Variants in AMDHD1 observed in about 807,000 individuals in gnomAD.
The protein encoded by AMDHD1 is probable imidazolonepropionase.
A neutral mutation model predicts 44.1 loss-of-function variants in AMDHD1; 45 were observed. The observed-to-expected ratio is 1.02, with a 90% confidence interval of 0.80 to 1.31. AMDHD1 has a LOEUF of 1.31. Among genes scored for constraint, AMDHD1 ranks in the 50% most tolerant of loss-of-function variants. The probability of loss-of-function intolerance (pLI) is 0.00; values close to 1 mark genes in which losing one functional copy is unlikely to be tolerated. For missense variants in AMDHD1, 586 were observed against 552.1 expected (o/e 1.06, Z -0.61); for synonymous variants, 206 against 205.0 (o/e 1.00, Z -0.04).
At chr12:95,952,587 G>A in intron 1 of AMDHD1, 130 bp from the exon 2 acceptor site, 3 of 622,170 alleles carry the variant, frequency 4.8e-6, no homozygotes, top group Non-Finnish European at 8.3e-6. Context: ...CCAGACTCAG[G>A]TTCAAGATAG....
In AMDHD1 at chr12:95,943,349, C is replaced by T; in HGVS notation, c.-50C>T. ...GCTTTTCGTCCTCCACTGAGTCCTG[C>T]CGGTGGCCCGAGCCCGGTGGCCTCC... On this transcript the variant is annotated 5_prime_UTR_variant, in exon 1 of 9. Coordinates refer to ENST00000266736, the MANE Select transcript of AMDHD1 (RefSeq NM_152435.3). 7.7e-7 allele frequency: 1 copy of T among 1,292,054 alleles called. No homozygotes were observed. The highest frequency in any genetic ancestry group is 9.9e-7 in the Non-Finnish European group (1 of 1,008,638). The allele number at this position is 1,292,054 out of a possible 1,614,324, so 80.0% of individuals were successfully genotyped here.
At chr12:95,966,220 C>A in intron 7 of AMDHD1, 128 bp from the exon 8 acceptor site, 1 of 987,684 alleles carries the variant, frequency 1.0e-6, no homozygotes, top group Non-Finnish European at 1.5e-6. Context: ...TAGATTTTTC[C>A]CATTGCAACT....
chr12:95,953,088 A>G (rs887075893), intron 2 of AMDHD1, among the ~76,000 whole-genome samples: 1 of 152,236 alleles, frequency 6.6e-6, no homozygotes, highest in African/African-American at 2.4e-5. Context: ...GAAATATGTT[A>G]CCCAAGGTTC....
At position 95,956,679 on chromosome 12, in the gene AMDHD1, G is replaced by A. The variant is rs759816920; in HGVS notation, c.310-6G>A. The A allele has an allele frequency of 5.6e-6, 9 of 1,613,428 alleles. No homozygotes were observed. The African/African-American group carries it at 1.1e-4, about 19-fold the overall frequency. On this transcript the variant is annotated splice_polypyrimidine_tract_variant and splice_region_variant and intron_variant, in intron 3 of 8. Coordinates refer to ENST00000266736, the MANE Select transcript of AMDHD1 (RefSeq NM_152435.3). ...GTGCTGGCCTAAAGGTGAGGCGTGT[G>A]TTCAGTTGGCAGGAGCCACCTACAT...
intron 4 of AMDHD1, among the ~76,000 whole-genome samples, chr12:95,958,322 C>T (rs75362388): frequency 3.6e-4 from 55 of 152,046 alleles, no homozygotes; most frequent in African/African-American, 1.3e-3. Context: ...TTCATGTTAT[C>T]TTCAATCAGA....
chr12:95,945,463 C>A (rs2080491186), intron 1 of AMDHD1, among the ~76,000 whole-genome samples: 1 of 152,108 alleles, frequency 6.6e-6, no homozygotes, highest in Non-Finnish European at 1.5e-5. Flanking sequence ...GTGCAAAAAT[C>A]AAGTATAGAA....
chr12:95,967,092 C>T (rs1376643920), intron 8 of AMDHD1, among the ~76,000 whole-genome samples: 3 of 152,170 alleles, frequency 2.0e-5, no homozygotes, highest in Non-Finnish European at 4.4e-5. Context: ...GGGGAGGCCT[C>T]ACAATCATGG....
At chr12:95,954,804 C>A in intron 2 of AMDHD1, 107 bp from the exon 3 acceptor site, 1 of 970,426 alleles carries the variant, frequency 1.0e-6, no homozygotes, top group South Asian at 1.6e-5. Context: ...AATGGATGGC[C>A]ACCATCACAC....
chr12:95,943,339 C>A lies in AMDHD1; in HGVS notation c.-60C>A. 7.2e-7 allele frequency: 1 copy of A among 1,386,274 alleles called. No homozygotes were observed. The highest frequency in any genetic ancestry group is 9.3e-7 in the Non-Finnish European group (1 of 1,070,566). The allele number at this position is 1,386,274 out of a possible 1,614,324, so 85.9% of individuals were successfully genotyped here. A position where few individuals can be genotyped will look rare whatever the true frequency, so the allele number is the denominator to read the frequency against. On this transcript the variant is annotated 5_prime_UTR_variant, in exon 1 of 9. It adds an upstream start codon to the 5' untranslated region. Transcript: ENST00000266736. Reference sequence around the variant, plus strand: ...GCAGGCTGCGGCTTTTCGTCCTCCACTGAGTCCTGCCGGTGGCCCGAGCCC... The same window carrying A: ...GCAGGCTGCGGCTTTTCGTCCTCCAATGAGTCCTGCCGGTGGCCCGAGCCC...
chr12:95,959,926 A>C (rs1342753582), intron 4 of AMDHD1, among the ~76,000 whole-genome samples: 1 of 150,176 alleles, frequency 6.7e-6, no homozygotes, highest in African/African-American at 2.5e-5. Flanking sequence ...CTCCTGAGTA[A>C]CTGGGATTAC....
chr12:95,953,013 T>A (rs2080532003), intron 2 of AMDHD1, among the ~76,000 whole-genome samples, 190 bp downstream of exon 2: 1 of 152,246 alleles, frequency 6.6e-6, no homozygotes, highest in Non-Finnish European at 1.5e-5. Flanking sequence ...TGAATCCTTA[T>A]AACTGCCCTG....
chr12:95,946,246 G>C (rs1040469636), intron 1 of AMDHD1, among the ~76,000 whole-genome samples: 1 of 152,078 alleles, frequency 6.6e-6, no homozygotes, highest in Non-Finnish European at 1.5e-5. Flanking sequence ...TCATACACAA[G>C]GACCATTTGT....
intron 1 of AMDHD1, among the ~76,000 whole-genome samples, chr12:95,944,484 A>G (rs2080484366): frequency 6.6e-6 from 1 of 151,496 alleles, no homozygotes; most frequent in Non-Finnish European, 1.5e-5. Context: ...TCCACCTCCC[A>G]GGCTCAACTG....
At chr12:95,958,979 C>T (rs928248183) in intron 4 of AMDHD1, among the ~76,000 whole-genome samples, 3 of 151,576 alleles carry the variant, frequency 2.0e-5, no homozygotes, top group African/African-American at 4.9e-5. Flanking sequence ...CACTTGAACC[C>T]GGGAGGTGGA....
chr12:95,956,824 C>A lies in AMDHD1; in HGVS notation c.449C>A (p.Thr150Asn). 1 of 1,614,210 alleles carries A rather than the reference C, an allele frequency of 6.2e-7. No individual in the cohort carries two copies. The highest frequency in any genetic ancestry group is 8.5e-7 in the Non-Finnish European group (1 of 1,180,036). Reference protein sequence around the residue: ...QRLQCMMRAGTTLVECKSGYG... With the variant: ...QRLQCMMRAGNTLVECKSGYG... ...CTCCAGTGCATGATGAGGGCTGGCA[C>A]CACGCTGGTGGAGTGCAAGAGTGGA... is the stretch of plus-strand genomic sequence containing the variant. Residue 150 changes from threonine (T) to asparagine (N), a missense_variant, in exon 4 of 9, where the codon ACC (threonine) becomes AAC (asparagine). Coordinates refer to ENST00000266736, the MANE Select transcript of AMDHD1 (RefSeq NM_152435.3).
chr12:95,965,864 A>G, intron 7 of AMDHD1, 85 bp downstream of exon 7: 1 of 919,882 alleles, frequency 1.1e-6, no homozygotes, highest in Non-Finnish European at 1.6e-6. Context: ...AGCTTTTAAA[A>G]CAGTATAAAA....
At position 95,946,170 on chromosome 12, in the gene AMDHD1, T is replaced by A. The variant is rs144498188; in HGVS notation, c.137+2635T>A. ...TGTCATCCAGTTGACAATTGTCCCA[T>A]CCAAAGGCTAAAACCTAGATGAAAA... On this transcript the variant is annotated intron_variant, in intron 1 of 8. Transcript: ENST00000266736. 4.2e-4 allele frequency among the ~76,000 whole-genome samples: 64 copies of A among 151,684 alleles called. No individual in the cohort carries two copies. The East Asian group carries it at 6.8e-3, about 16-fold the overall frequency.
rs934001086 is a variant in AMDHD1 at position 95,962,425 on chromosome 12, T to G, written c.884T>G (p.Met295Arg). The G allele has an allele frequency of 1.9e-6, 3 of 1,614,014 alleles. No homozygotes were observed. In the Admixed American group the frequency reaches 5.0e-5, roughly 27 times the overall value. The change falls in exon 6 of 9, where the codon ATG becomes AGG. Residue 295 changes from methionine to arginine, a missense_variant. Coordinates refer to ENST00000266736, the MANE Select transcript of AMDHD1 (RefSeq NM_152435.3). ...GTGAGTGATGAAGGCATCGTTGCCA[T>G]GGCAACGGCCAGGTGCTCTGCCATC... ...EEVSDEGIVA[M>R]ATARCSAILL...
intron 1 of AMDHD1, among the ~76,000 whole-genome samples, chr12:95,949,140 TAAAAAAA>T (rs1170844527): frequency 2.2e-4 from 1 of 4,460 alleles, no homozygotes; most frequent in Non-Finnish European, 3.2e-4. Context: ...AAAAATAAAT[TAAAAAAA>T]AAAAAAAAAA....
Sources: allele counts gnomAD v4.1 joint callset (sites outside exome capture counted in the v4.1 genomes callset), GRCh38; gene constraint gnomAD v4.1.1; transcripts MANE v1.5; gene names NCBI Gene and HGNC (gene_info 2026-07-23, HGNC 2026-07-21).